The following HSF2 variants were observed in gnomAD, a reference collection of about 807,000 sequenced individuals.
The protein encoded by HSF2 is heat shock factor protein 2.
Under a neutral mutation model 65.0 loss-of-function variants are expected in HSF2, and 21 were observed. The ratio of observed to expected loss-of-function variants is 0.32; its 90% CI spans 0.23 to 0.47. The LOEUF (loss-of-function observed/expected upper bound fraction) is 0.47, where lower values mean the gene tolerates loss of function less well. HSF2 is among the 20% of genes least tolerant of loss of function. HSF2 has a pLI of 1.00. For missense variants in HSF2, 499 were observed against 628.1 expected, an observed-to-expected ratio of 0.79 and a Z score of 2.20; for synonymous variants, 225 against 219.1, an observed-to-expected ratio of 1.03 and a Z score of -0.24.
intron 1 of HSF2, among the ~76,000 whole-genome samples, chr6:122,405,485 A>G (rs1773850364): frequency 6.6e-6 from 1 of 152,178 alleles, no homozygotes; most frequent in Admixed American, 6.5e-5. Flanking sequence ...AGAAGCAGCC[A>G]CTACTGATAG....
chr6:122,421,083 A>T (rs896326143), intron 7 of HSF2, among the ~76,000 whole-genome samples: 1 of 151,958 alleles, frequency 6.6e-6, no homozygotes, highest in Admixed American at 6.6e-5. Context: ...GTGATTATAT[A>T]TTCTTACATT....
At chr6:122,412,909 C>G (rs1023074140) in intron 3 of HSF2, 145 bp downstream of exon 3, 5 of 786,300 alleles carry the variant, frequency 6.4e-6, no homozygotes, top group Non-Finnish European at 9.3e-6. Flanking sequence ...ACTTGTTTCC[C>G]TGTATTTTTT....
At chr6:122,431,154 A>G (rs1025288299) in intron 11 of HSF2, among the ~76,000 whole-genome samples, 1 of 152,098 alleles carries the variant, frequency 6.6e-6, no homozygotes, top group Non-Finnish European at 1.5e-5. Flanking sequence ...GACAAATTCT[A>G]TCTGTTCTGC....
intron 7 of HSF2, among the ~76,000 whole-genome samples, chr6:122,421,140 A>G (rs778593244): frequency 2.1e-4 from 32 of 152,148 alleles, no homozygotes; most frequent in South Asian, 8.3e-4. Context: ...ACCAACTAGA[A>G]TGCTTTTTAC....
At chr6:122,423,919 T>C (rs1039474501) in intron 10 of HSF2, among the ~76,000 whole-genome samples, 1 of 152,040 alleles carries the variant, frequency 6.6e-6, no homozygotes, top group Non-Finnish European at 1.5e-5. Flanking sequence ...TGAGAACATA[T>C]CAGATCTTTT....
chr6:122,412,452 T>C lies in HSF2; in HGVS notation c.173T>C (p.Met58Thr), dbSNP rs1774021602. ...ILPKYFKHNN[M>T]ASFVRQLNMY... is the part of the protein sequence containing the mutation. ...CCCAAATATTTCAAGCACAATAATATGGCAAGCTTTGTGAGGCAACTGAAT... is the reference window on the plus strand; with the variant it reads ...CCCAAATATTTCAAGCACAATAATACGGCAAGCTTTGTGAGGCAACTGAAT... The change falls in exon 2 of 13, where the codon ATG becomes ACG. Residue 58 changes from methionine to threonine, a missense_variant. Around this residue, in one of 2 missense-constraint regions of HSF2, gnomAD observed 150 missense variants for 234.6 expected, o/e 0.64. Transcript: ENST00000368455. 6.2e-7 allele frequency: 1 copy of C among 1,611,054 alleles called. No homozygotes were observed. The highest frequency in any genetic ancestry group is 8.5e-7 in the Non-Finnish European group (1 of 1,177,400).
intron 7 of HSF2, among the ~76,000 whole-genome samples, chr6:122,420,455 C>G (rs188467567): frequency 6.6e-6 from 1 of 152,118 alleles, no homozygotes; most frequent in East Asian, 1.9e-4. Flanking sequence ...CTCCCCGTCT[C>G]TTGTCTCCCC....
Position 122,412,665 on chromosome 6 carries a change from C to T in HSF2, c.231C>T (p.Asp77=), listed in dbSNP as rs765679219. The T allele has an allele frequency of 6.2e-7, 1 of 1,611,910 alleles. No homozygotes were observed. Among genetic ancestry groups the T allele is most frequent in the African/African-American group, 1.3e-5 (1 of 74,818 alleles). Residue 77 remains aspartate, a synonymous_variant, in exon 3 of 13, where the codon GAC becomes GAT. Coordinates refer to ENST00000368455, the MANE Select transcript of HSF2 (RefSeq NM_004506.4). Reference sequence around the variant, plus strand: ...GTTTCCGTAAAGTAGTACATATCGACTCTGGAATTGTAAAGCAAGAAAGAG... The same window carrying T: ...GTTTCCGTAAAGTAGTACATATCGATTCTGGAATTGTAAAGCAAGAAAGAG... The part of the protein sequence containing the change: ...MYGFRKVVHI[D]SGIVKQERDG...
chr6:122,427,252 C>T (rs1439723034), intron 10 of HSF2, among the ~76,000 whole-genome samples: 1 of 152,004 alleles, frequency 6.6e-6, no homozygotes, highest in Non-Finnish European at 1.5e-5. Flanking sequence ...TTTATGATGT[C>T]AGTTATTTGT....
intron 1 of HSF2, among the ~76,000 whole-genome samples, chr6:122,407,110 A>G (rs1161090751): frequency 1.3e-5 from 2 of 152,254 alleles, no homozygotes; most frequent in Middle Eastern, 3.2e-3. Flanking sequence ...AAAAGCCAGC[A>G]AAGGAGGCTG....
At position 122,432,199 on chromosome 6, in the gene HSF2, T is replaced by A; in HGVS notation, c.1590T>A (p.Asp530Glu). ...CELAPAPLDS[D>E]MPLLDS ...TTGCTCCTGCACCTCTGGATAGTGA[T>A]ATGCCACTTTTAGATAGCTAAATCC... The change falls in exon 13 of 13, where the codon GAT (aspartate) becomes GAA (glutamate). Residue 530 changes from aspartate to glutamate, a missense_variant. By Grantham distance (45) the Asp-to-Glu change is conservative (BLOSUM62 2). This residue lies in a region of HSF2 where 349 missense variants were observed against 393.5 expected (regional missense o/e 0.89). Transcript: ENST00000368455. 6.2e-7 allele frequency: 1 copy of A among 1,613,142 alleles called. No individual in the cohort carries two copies. The highest frequency in any genetic ancestry group is 8.5e-7 in the Non-Finnish European group (1 of 1,179,210).
At chr6:122,408,088 C>T (rs953323738) in intron 1 of HSF2, among the ~76,000 whole-genome samples, 1 of 152,118 alleles carries the variant, frequency 6.6e-6, no homozygotes, top group South Asian at 2.1e-4. Flanking sequence ...AAGGCTCTAA[C>T]TCCAAATACC....
rs537058188 is a variant in HSF2 at position 122,415,071 on chromosome 6, CTT to C, written c.456-1149_456-1148del. 9.2e-5 allele frequency among the ~76,000 whole-genome samples: 14 copies of C among 152,220 alleles called. 1 individual carries two copies. In the South Asian group the frequency reaches 2.9e-3, roughly 32 times the overall value. ...TATTAGTTTGGATTAAAGAAGATGA[CTT>C]GTGGAGAATAACAAAAGATGGAAAA... On this transcript the variant is annotated intron_variant, in intron 4 of 12. Transcript: ENST00000368455.
At chr6:122,430,746 C>T (rs1360210279) in intron 11 of HSF2, among the ~76,000 whole-genome samples, 8 of 152,102 alleles carry the variant, frequency 5.3e-5, no homozygotes, top group African/African-American at 1.9e-4. Flanking sequence ...AGAACCTCTG[C>T]ACCTCAGAGT....
intron 1 of HSF2, among the ~76,000 whole-genome samples, chr6:122,405,428 A>T (rs1419341032): frequency 6.6e-6 from 1 of 152,190 alleles, no homozygotes; most frequent in African/African-American, 2.4e-5. Context: ...GTTACTGACT[A>T]TATCAGGGAA....
At chr6:122,423,032 G>A (rs1197887289) in intron 9 of HSF2, 75 bp downstream of exon 9, 1 of 1,525,410 alleles carries the variant, frequency 6.6e-7, no homozygotes, top group Non-Finnish European at 9.0e-7. Context: ...TTCTCTTTGA[G>A]TAATCTTCCT....
Position 122,399,755 on chromosome 6 carries a change from C to T in HSF2, c.18C>T (p.Asn6=). The stretch of plus-strand genomic sequence containing the variant: ...CGTTAACAATGAAGCAGAGTTCGAA[C>T]GTGCCGGCTTTCCTCAGCAAGCTGT... The part of the protein sequence containing the change: MKQSS[N]VPAFLSKLWT... Residue 6 remains asparagine, a synonymous_variant, in exon 1 of 13, where the codon AAC becomes AAT. Transcript: ENST00000368455. The T allele has an allele frequency of 3.1e-6, 5 of 1,612,352 alleles. No individual in the cohort carries two copies. Among genetic ancestry groups the T allele is most frequent in the Non-Finnish European group, 4.2e-6 (5 of 1,179,304 alleles).
At chr6:122,429,125 A>G (rs1459120743) in intron 11 of HSF2, among the ~76,000 whole-genome samples, 1 of 152,066 alleles carries the variant, frequency 6.6e-6, no homozygotes, top group African/African-American at 2.4e-5. Flanking sequence ...ATGGACCATA[A>G]GTTTACCTGG....
chr6:122,425,529 C>A (rs2114451907), intron 10 of HSF2, among the ~76,000 whole-genome samples: 1 of 152,144 alleles, frequency 6.6e-6, no homozygotes, highest in Non-Finnish European at 1.5e-5. Flanking sequence ...ACATGAAGGG[C>A]TGTTGGCAAG....
Sources: allele counts gnomAD v4.1 joint callset (sites outside exome capture counted in the v4.1 genomes callset), GRCh38; gene constraint gnomAD v4.1.1; regional missense constraint gnomAD v4.1.1; transcripts MANE v1.5; gene names NCBI Gene and HGNC (gene_info 2026-07-23, HGNC 2026-07-21).